The following NAALADL2 variants were observed in gnomAD, a reference collection of about 807,000 sequenced individuals.
The protein encoded by NAALADL2 is N-acetylated alpha-linked acidic dipeptidase like 2.
Under a neutral mutation model 87.2 loss-of-function variants are expected in NAALADL2, and 76 were observed. The ratio of observed to expected loss-of-function variants is 0.87; its 90% confidence interval spans 0.72 to 1.05. NAALADL2 has a LOEUF of 1.05. NAALADL2 is among the 50% of genes least tolerant of loss of function. The pLI, the probability that NAALADL2 is intolerant of heterozygous loss-of-function variation, is 0.00. For missense variants in NAALADL2, 1,089 were observed against 945.8 expected (o/e 1.15, Z -1.99); for synonymous variants, 354 against 331.0 (o/e 1.07, Z -0.75).
intron 2 of NAALADL2, among the ~76,000 whole-genome samples, chr3:174,700,984 G>C (rs538557254): frequency 1.7e-4 from 26 of 152,114 alleles, no homozygotes; most frequent in Non-Finnish European, 2.8e-4. Flanking sequence ...GCAGCATTGT[G>C]ATCCACTGTT....
At chr3:175,488,631 A>G (rs1727640132) in intron 9 of NAALADL2, among the ~76,000 whole-genome samples, 2 of 152,240 alleles carry the variant, frequency 1.3e-5, no homozygotes, top group Admixed American at 6.5e-5. Flanking sequence ...ATCTGAGGTT[A>G]GAGAAACTGA....
In NAALADL2 at chr3:175,805,878, T is replaced by C. The variant is rs372728265; in HGVS notation, c.*2675T>C. 2 of 151,888 alleles carry C rather than the reference T, an allele frequency of 1.3e-5. No homozygotes were observed. The highest frequency in any genetic ancestry group is 4.8e-5 in the African/African-American group (2 of 41,406). 9.4% of individuals were successfully genotyped at this position (151,888 alleles called of 1,614,324 possible). On this transcript the variant is annotated 3_prime_UTR_variant, in exon 14 of 14. Coordinates refer to ENST00000454872, the MANE Select transcript of NAALADL2 (RefSeq NM_207015.3). ...GTCTCAGAATCAAAAGAAAGCCTAA[T>C]AAAGATTCTGGTCTAAGCCCTGAGA...
intron 1 of NAALADL2, among the ~76,000 whole-genome samples, chr3:174,492,311 C>T (rs996543333): frequency 1.1e-4 from 17 of 151,758 alleles, no homozygotes; most frequent in Non-Finnish European, 1.5e-4. Context: ...TTGATTAGTT[C>T]AGAGAATCTG....
chr3:175,063,501 G>A (rs76691732), intron 1 of NAALADL2, among the ~76,000 whole-genome samples: 16,945 of 151,712 alleles, frequency 0.11, 1,082 homozygotes, highest in East Asian at 0.21. Flanking sequence ...TTTTGAGACA[G>A]GGTCTTGTTC....
Position 175,680,094 on chromosome 3 carries a change from G to A in NAALADL2, c.1896+52708G>A, listed in dbSNP as rs886315661. Among the ~76,000 whole-genome samples, 19 of 152,106 alleles carry A rather than the reference G, an allele frequency of 1.2e-4. 1 individual carries two copies. The highest frequency in any genetic ancestry group is 1.0e-3 in the Admixed American group (16 of 15,278). On this transcript the variant is annotated intron_variant, in intron 11 of 13. Transcript: ENST00000454872. ...CTTTGAATAACTCAGAGTGCCCTGA[G>A]GTTGACAGCGATTCCTTAAAATGTT...
chr3:175,078,606 G>GC (rs1194565009), intron 1 of NAALADL2, among the ~76,000 whole-genome samples: 4 of 151,952 alleles, frequency 2.6e-5, no homozygotes, highest in African/African-American at 9.7e-5. Flanking sequence ...CAGTTTTCCT[G>GC]CCCCAGCCCC....
intron 5 of NAALADL2, among the ~76,000 whole-genome samples, chr3:175,409,535 G>A (rs984414066): frequency 6.6e-6 from 1 of 151,672 alleles, no homozygotes; most frequent in African/African-American, 2.4e-5. Context: ...TAAATTACTT[G>A]AAATAATATA....
Position 175,771,861 on chromosome 3 carries a change from G to A in NAALADL2, c.2189+16443G>A, listed in dbSNP as rs181215298. 5.2e-4 allele frequency among the ~76,000 whole-genome samples: 79 copies of A among 152,238 alleles called. No individual in the cohort carries two copies. In the East Asian group the frequency reaches 0.014, roughly 26 times the overall value. On this transcript the variant is annotated intron_variant, in intron 13 of 13. Coordinates refer to ENST00000454872, the MANE Select transcript of NAALADL2 (RefSeq NM_207015.3). ...ACTCACAGGTCAGCATGGCTGTGGA[G>A]GCCTCAGGAAACTTATACATAGCAG...
At chr3:175,356,437 TG>T (rs1485952543) in intron 5 of NAALADL2, among the ~76,000 whole-genome samples, 14 of 151,558 alleles carry the variant, frequency 9.2e-5, no homozygotes, top group African/African-American at 2.4e-4. Flanking sequence ...TTAGCTAGCA[TG>T]GTGATGCCTG....
chr3:174,612,248 A>T (rs1003692670), intron 2 of NAALADL2, among the ~76,000 whole-genome samples: 4 of 151,926 alleles, frequency 2.6e-5, no homozygotes, highest in Non-Finnish European at 5.9e-5. Context: ...GAATTTTATT[A>T]TTAAATGTCT....
At chr3:175,683,197 T>C (rs897009317) in intron 11 of NAALADL2, among the ~76,000 whole-genome samples, 1 of 151,990 alleles carries the variant, frequency 6.6e-6, no homozygotes, top group Non-Finnish European at 1.5e-5. Context: ...TTATCAGAAA[T>C]TCATATGGAA....
chr3:175,339,419 G>T lies in NAALADL2; in HGVS notation c.1090+15094G>T, dbSNP rs955298310. 2.0e-5 allele frequency among the ~76,000 whole-genome samples: 3 copies of T among 151,992 alleles called. No homozygotes were observed. The South Asian group carries it at 6.2e-4, about 32-fold the overall frequency. ...AATTTGAGATTTCTATCACTGGAAG[G>T]GATCTTAGAGGTTATAAATACAATC... On this transcript the variant is annotated intron_variant, in intron 5 of 13. Transcript: ENST00000454872.
chr3:174,446,311 A>T (rs1459637679), intron 1 of NAALADL2, among the ~76,000 whole-genome samples: 1 of 152,208 alleles, frequency 6.6e-6, no homozygotes, highest in Non-Finnish European at 1.5e-5. Flanking sequence ...TGAAACTTTC[A>T]TACTTTCAAA....
At chr3:175,407,948 C>T (rs1421296086) in intron 5 of NAALADL2, among the ~76,000 whole-genome samples, 1 of 152,108 alleles carries the variant, frequency 6.6e-6, no homozygotes, top group Non-Finnish European at 1.5e-5. Context: ...TTGTAATGGT[C>T]TGCCAATAGT....
At chr3:175,516,823 G>T (rs1348393238) in intron 9 of NAALADL2, among the ~76,000 whole-genome samples, 1 of 152,026 alleles carries the variant, frequency 6.6e-6, no homozygotes, top group Non-Finnish European at 1.5e-5. Flanking sequence ...CCAAAACCTG[G>T]ACATCTACTT....
At chr3:174,830,607 G>T (rs1432709580) in intron 3 of NAALADL2, among the ~76,000 whole-genome samples, 1 of 151,884 alleles carries the variant, frequency 6.6e-6, no homozygotes, top group Non-Finnish European at 1.5e-5. Flanking sequence ...CTCTTTTTTG[G>T]TTCCATATGA....
intron 3 of NAALADL2, among the ~76,000 whole-genome samples, chr3:174,740,104 A>T (rs1345900416): frequency 6.6e-6 from 1 of 151,962 alleles, no homozygotes; most frequent in Non-Finnish European, 1.5e-5. Flanking sequence ...TCATATGCTG[A>T]TTTTCAATAT....
chr3:175,380,785 T>C (rs1365930878), intron 5 of NAALADL2, among the ~76,000 whole-genome samples: 3 of 152,148 alleles, frequency 2.0e-5, no homozygotes, highest in Non-Finnish European at 4.4e-5. Flanking sequence ...TTTAACTACA[T>C]GTCTTTGCCT....
intron 13 of NAALADL2, among the ~76,000 whole-genome samples, chr3:175,787,328 G>C (rs965875646): frequency 6.6e-6 from 1 of 152,086 alleles, no homozygotes; most frequent in African/African-American, 2.4e-5. Context: ...CTGCCTTGCA[G>C]TTTGATCTCA....
Sources: allele counts gnomAD v4.1 joint callset (sites outside exome capture counted in the v4.1 genomes callset), GRCh38; gene constraint gnomAD v4.1.1; transcripts MANE v1.5; gene names NCBI Gene and HGNC (gene_info 2026-07-23, HGNC 2026-07-21).